Variants in ATM observed in about 807,000 individuals in gnomAD.
ATM encodes serine-protein kinase ATM.
A neutral mutation model predicts 387.0 loss-of-function variants in ATM; 308 were observed. That is an observed-to-expected ratio of 0.80 (90% CI 0.73 to 0.87). ATM has a LOEUF of 0.87. ATM is among the 40% of genes least tolerant of loss of function. ATM has a pLI of 0.00. For synonymous variants in ATM, 1,156 were observed against 1,187.3 expected (o/e 0.97, Z 0.54); for missense variants, 3,312 against 3,560.9 (o/e 0.93, Z 1.78).
chr11:108,304,580 T>G (rs1038639057), intron 36 of ATM, 95 bp from the exon 37 acceptor site: 8 of 1,217,746 alleles, frequency 6.6e-6, no homozygotes, highest in Admixed American at 4.2e-5. Context: ...TTTAGAAATT[T>G]AATATGTCAA....
chr11:108,266,300 AG>A (rs2081234416), intron 16 of ATM, among the ~76,000 whole-genome samples: 1 of 152,016 alleles, frequency 6.6e-6, no homozygotes, highest in Non-Finnish European at 1.5e-5. Context: ...AATACTATGC[AG>A]CCATAAAAAA....
chr11:108,232,527 C>CTTTTTTTT (rs71047685), intron 4 of ATM, among the ~76,000 whole-genome samples: 1 of 58,178 alleles, frequency 1.7e-5, no homozygotes, highest in Non-Finnish European at 3.1e-5. Flanking sequence ...GATTTCTCTC[C>CTTTTTTTT]TTTTTTTTTT....
chr11:108,271,029 G>C (rs1472713476), intron 18 of ATM, 35 bp from the exon 19 acceptor site: 1 of 1,562,292 alleles, frequency 6.4e-7, no homozygotes. Flanking sequence ...ATGATTTGTG[G>C]ATAAACCTGA....
chr11:108,236,248 TA>T, intron 5 of ATM: 1 of 239,002 alleles, frequency 4.2e-6, no homozygotes, highest in Non-Finnish European at 8.3e-6. Flanking sequence ...GGAAGTACCA[TA>T]AAAGTGAAAG....
At chr11:108,331,365 TAAAA>T in intron 50 of ATM, 75 bp from the exon 51 acceptor site, 1 of 1,539,982 alleles carries the variant, frequency 6.5e-7, no homozygotes, top group Non-Finnish European at 8.8e-7. Context: ...AGCACTGTCT[TAAAA>T]TAACTTACTT....
intron 44 of ATM, among the ~76,000 whole-genome samples, chr11:108,320,396 A>C (rs149623228): frequency 2.4e-4 from 37 of 152,326 alleles, no homozygotes; most frequent in African/African-American, 8.4e-4. Flanking sequence ...CTCACGGTTA[A>C]TACTTACAAA....
At chr11:108,237,637 A>G (rs1423648663) in intron 5 of ATM, among the ~76,000 whole-genome samples, 6 of 152,110 alleles carry the variant, frequency 3.9e-5, no homozygotes, top group African/African-American at 1.4e-4. Flanking sequence ...CAAAATATAT[A>G]TTTGGTACAG....
chr11:108,351,956 G>GCCCTT (rs2089258345), intron 59 of ATM, among the ~76,000 whole-genome samples: 1 of 152,254 alleles, frequency 6.6e-6, no homozygotes, highest in South Asian at 2.1e-4. Context: ...GCTATAGCAA[G>GCCCTT]CCCTTTCCCT....
chr11:108,336,565 G>A (rs906080531), intron 56 of ATM, among the ~76,000 whole-genome samples: 12 of 151,916 alleles, frequency 7.9e-5, no homozygotes, highest in Middle Eastern at 3.2e-3. Flanking sequence ...AGTCCTTATC[G>A]ATGGGCATTT....
intron 38 of ATM, 144 bp downstream of exon 38, chr11:108,308,128 TA>T (rs1368089790): frequency 5.0e-6 from 4 of 800,916 alleles, no homozygotes; most frequent in Non-Finnish European, 8.3e-6. Context: ...CTCCTTGCAG[TA>T]ATCCATATTC....
At chr11:108,343,694 C>A (rs904555033) in intron 57 of ATM, among the ~76,000 whole-genome samples, 1 of 152,156 alleles carries the variant, frequency 6.6e-6, no homozygotes, top group African/African-American at 2.4e-5. Flanking sequence ...CACCTGTAAT[C>A]CCAGCTACTT....
At chr11:108,273,316 T>C (rs1565429773) in intron 22 of ATM, among the ~76,000 whole-genome samples, 1 of 148,732 alleles carries the variant, frequency 6.7e-6, no homozygotes, top group African/African-American at 2.5e-5. Flanking sequence ...GGAATAAACA[T>C]ATATTAATTT....
chr11:108,241,400 G>C (rs182975195), intron 5 of ATM, among the ~76,000 whole-genome samples: 1 of 152,134 alleles, frequency 6.6e-6, no homozygotes, highest in African/African-American at 2.4e-5. Flanking sequence ...TCATTATCAA[G>C]GTTTATGTAC....
intron 24 of ATM, among the ~76,000 whole-genome samples, chr11:108,281,753 ATAT>A (rs1169630291): frequency 1.3e-5 from 2 of 152,130 alleles, no homozygotes; most frequent in Admixed American, 6.5e-5. Flanking sequence ...CAGTGGACTG[ATAT>A]TATGCCAGTT....
chr11:108,260,363 T>G (rs1378062655), intron 16 of ATM, among the ~76,000 whole-genome samples: 5 of 152,110 alleles, frequency 3.3e-5, no homozygotes, highest in Non-Finnish European at 7.4e-5. Flanking sequence ...TAATTAACAT[T>G]TTAAGTGGTT....
chr11:108,248,783 G>A (rs908550137), intron 8 of ATM, 150 bp from the exon 9 acceptor site: 12 of 631,858 alleles, frequency 1.9e-5, no homozygotes, highest in Non-Finnish European at 2.7e-5. Context: ...AGCTACTCGG[G>A]AGGCTGAGGC....
In ATM at chr11:108,365,203, G is replaced by C. The variant is rs1555151500; in HGVS notation, c.8972G>C (p.Cys2991Ser). 6.2e-7 allele frequency: 1 copy of C among 1,614,210 alleles called. No homozygotes were observed. Among genetic ancestry groups the C allele is most frequent in the African/African-American group, 1.3e-5 (1 of 75,060 alleles). ...HPTLNADDQE[C>S]KRNLSDIDQS... ...ACTCTGAATGCAGATGACCAAGAAT[G>C]CAAACGAAATCTCAGGTGAGCAGTA... Residue 2991 changes from cysteine to serine, a missense_variant, in exon 62 of 63, where the codon TGC (cysteine) becomes TCC (serine). Physicochemically the swap from Cys to Ser is moderately radical, Grantham distance 112. Coordinates refer to ENST00000675843, the MANE Select transcript of ATM (RefSeq NM_000051.4).
intron 36 of ATM, among the ~76,000 whole-genome samples, chr11:108,304,067 G>C (rs568812620): frequency 6.6e-6 from 1 of 152,260 alleles, no homozygotes; most frequent in African/African-American, 2.4e-5. Context: ...TATGGAGTGC[G>C]GTGAATAGCA....
At chr11:108,294,733 C>G (rs1380533867) in intron 31 of ATM, among the ~76,000 whole-genome samples, 194 bp from the exon 32 acceptor site, 6 of 152,114 alleles carry the variant, frequency 3.9e-5, no homozygotes, top group African/African-American at 1.4e-4. Context: ...GAGCGAGACT[C>G]TGTCTAAAAA....
Sources: allele counts gnomAD v4.1 joint callset (sites outside exome capture counted in the v4.1 genomes callset), GRCh38; gene constraint gnomAD v4.1.1; transcripts MANE v1.5; gene names NCBI Gene and HGNC (gene_info 2026-07-23, HGNC 2026-07-21).